Variants in POU2F2 observed in about 807,000 individuals in gnomAD.
POU2F2 encodes the protein POU class 2 homeobox 2.
A neutral mutation model predicts 63.5 loss-of-function variants in POU2F2; 14 were observed. The observed-to-expected ratio is 0.22, with a 90% CI of 0.15 to 0.34. POU2F2 has a LOEUF of 0.34. Ranked by LOEUF, POU2F2 falls within the 10% of genes least tolerant of loss-of-function variation. The pLI, the probability that POU2F2 is intolerant of heterozygous loss-of-function variation, is 1.00. For missense variants in POU2F2, 607 were observed against 815.2 expected (o/e 0.74, Z 3.11); for synonymous variants, 306 against 348.6 (o/e 0.88, Z 1.36).
intron 2 of POU2F2, among the ~76,000 whole-genome samples, chr19:42,144,840 A>T (rs1415979748): frequency 6.6e-6 from 1 of 152,230 alleles, no homozygotes; most frequent in Non-Finnish European, 1.5e-5. Context: ...TCCAGAGCCC[A>T]GCTCTCCTTG....
intron 2 of POU2F2, among the ~76,000 whole-genome samples, chr19:42,158,996 G>A (rs2034506610): frequency 6.6e-6 from 1 of 152,208 alleles, no homozygotes; most frequent in Non-Finnish European, 1.5e-5. Flanking sequence ...GTCCATGAAT[G>A]AGCTTCAGGG....
intron 1 of POU2F2, among the ~76,000 whole-genome samples, chr19:42,172,950 G>A (rs180957260): frequency 1.8e-4 from 27 of 152,292 alleles, no homozygotes; most frequent in Admixed American, 9.8e-4. Context: ...GACAAGGCTC[G>A]GTATGAGGAG....
intron 5 of POU2F2, among the ~76,000 whole-genome samples, chr19:42,113,452 G>T (rs1568374726): frequency 1.3e-5 from 2 of 152,228 alleles, no homozygotes; most frequent in Admixed American, 1.3e-4. Flanking sequence ...CTAGGAGATT[G>T]CAGGGAAGGA....
intron 5 of POU2F2, among the ~76,000 whole-genome samples, chr19:42,102,036 C>T (rs541822886): frequency 6.6e-6 from 1 of 152,134 alleles, no homozygotes; most frequent in Admixed American, 6.5e-5. Context: ...CAACTCCACT[C>T]CTGCATGTAA....
At chr19:42,161,934 C>T (rs1433848682) in intron 1 of POU2F2, among the ~76,000 whole-genome samples, 1 of 152,214 alleles carries the variant, frequency 6.6e-6, no homozygotes, top group African/African-American at 2.4e-5. Context: ...ATTTAAAAAT[C>T]GATGCAGCGC....
intron 1 of POU2F2, among the ~76,000 whole-genome samples, chr19:42,128,994 G>T (rs2033456208): frequency 6.6e-6 from 1 of 151,970 alleles, no homozygotes. Flanking sequence ...CACCATGCCC[G>T]GCTAATTTTT....
At chr19:42,125,390 G>A (rs1347751044) in intron 1 of POU2F2, among the ~76,000 whole-genome samples, 1 of 149,820 alleles carries the variant, frequency 6.7e-6, no homozygotes, top group Non-Finnish European at 1.5e-5. Context: ...GTAGACTGTT[G>A]AGGGTGGGGG....
In POU2F2 at chr19:42,086,232, T is replaced by C. The variant is rs1366858340; in HGVS notation, c.*5025A>G. On this transcript the variant is annotated 3_prime_UTR_variant, in exon 15 of 15. Coordinates refer to ENST00000692977, the MANE Select transcript of POU2F2 (RefSeq NM_001394376.1). Reference sequence around the variant, plus strand: ...GCACATTGTACAATGAACAAGCAGATTGGAGTTAAGAACACTGAAACACTA... The same window carrying C: ...GCACATTGTACAATGAACAAGCAGACTGGAGTTAAGAACACTGAAACACTA... The C allele has an allele frequency of 6.6e-6, 1 of 151,922 alleles. No individual in the cohort carries two copies. The highest frequency in any genetic ancestry group is 2.4e-5 in the African/African-American group (1 of 41,330). 9.4% of individuals were successfully genotyped at this position (151,922 alleles called of 1,614,324 possible). A position where few individuals can be genotyped will look rare whatever the true frequency, so the allele number is the denominator to read the frequency against.
intron 1 of POU2F2, among the ~76,000 whole-genome samples, chr19:42,161,980 G>A (rs893467833): frequency 6.6e-5 from 10 of 152,216 alleles, no homozygotes; most frequent in African/African-American, 2.4e-4. Flanking sequence ...TCGCCTTGCC[G>A]ATTCCCAGTC....
At chr19:42,171,924 T>C (rs1470515110) in intron 1 of POU2F2, among the ~76,000 whole-genome samples, 1 of 152,134 alleles carries the variant, frequency 6.6e-6, no homozygotes, top group African/African-American at 2.4e-5. Context: ...TTGTCCAAAG[T>C]ACGTTGTCAC....
At chr19:42,179,169 G>A (rs754401172), upstream of POU2F2, among the ~76,000 whole-genome samples, 6 of 152,060 alleles carry the variant, frequency 3.9e-5, no homozygotes, top group African/African-American at 4.8e-5. Flanking sequence ...AAGTAGGAAG[G>A]TGACAAGAGG....
chr19:42,193,101 C>T lies in POU2F2; in HGVS notation c.-70+3282G>A, dbSNP rs570108760. 2.0e-5 allele frequency among the ~76,000 whole-genome samples: 3 copies of T among 150,428 alleles called. No homozygotes were observed. In the South Asian group the frequency reaches 6.3e-4, roughly 32 times the overall value. ...AATAGCCGGGCGTGGTGGTGGGCGA[C>T]TGTAGTCCCAGCTACTAGGGAGGCT... is the stretch of plus-strand genomic sequence containing the variant. On this transcript the variant is annotated intron_variant, in intron 1 of 5. Transcript: ENST00000532176.
rs756514613 is a variant in POU2F2 at position 42,088,700 on chromosome 19, T to TA, written c.*2556_*2557insT. ...CCTTGGGCTGGGGCCCAAGCCCTCT[T>TA]GCCAGTCCCTTCTCTCTTCAGGAAA... On this transcript the variant is annotated 3_prime_UTR_variant, in exon 15 of 15. Coordinates refer to ENST00000692977, the MANE Select transcript of POU2F2 (RefSeq NM_001394376.1). 4.0e-4 allele frequency: 61 copies of TA among 152,716 alleles called. No individual in the cohort carries two copies. Among genetic ancestry groups the TA allele is most frequent in the Non-Finnish European group, 2.2e-4 (15 of 68,048 alleles). 9.5% of individuals were successfully genotyped at this position (152,716 alleles called of 1,614,324 possible).
chr19:42,197,350 T>C (rs2035162749), upstream of POU2F2, among the ~76,000 whole-genome samples: 1 of 152,202 alleles, frequency 6.6e-6, no homozygotes, highest in African/African-American at 2.4e-5. Flanking sequence ...GGAACTCAGC[T>C]TCCTCCCAGA....
At chr19:42,101,698 C>G (rs2077147908) in intron 5 of POU2F2, among the ~76,000 whole-genome samples, 1 of 152,206 alleles carries the variant, frequency 6.6e-6, no homozygotes, top group Non-Finnish European at 1.5e-5. Flanking sequence ...AGAAAACTGG[C>G]TGGGCTTGGT....
Position 42,095,817 on chromosome 19 carries a change from G to C in POU2F2, c.842C>G (p.Pro281Arg), listed in dbSNP as rs1360143594. ...ATCGTTGAGCCACTTCTCCAGGAGG[G>C]GCTTGAGTTTGCACATGTTCTTGAA... is the stretch of plus-strand genomic sequence containing the variant. ...LSFKNMCKLK[P>R]LLEKWLNDAE... Residue 281 changes from proline (P) to arginine (R), a missense_variant, in exon 9 of 15, where the codon CCC (proline) becomes CGC (arginine). By Grantham distance (103) the Pro-to-Arg change is moderately radical (BLOSUM62 -2). This residue lies in a region of POU2F2 where 39 missense variants were observed against 36.3 expected (regional missense o/e 1.07). Transcript: ENST00000692977. The surrounding 1 kb of genome is among the most constrained non-coding windows in gnomAD (Gnocchi z 7.1). 6.2e-7 allele frequency: 1 copy of C among 1,614,066 alleles called. No homozygotes were observed. Among genetic ancestry groups the C allele is most frequent in the Non-Finnish European group, 8.5e-7 (1 of 1,179,936 alleles).
Position 42,093,875 on chromosome 19 carries a change from C to T in POU2F2, c.1218G>A (p.Ala406=). The T allele has an allele frequency of 5.0e-6, 8 of 1,611,970 alleles. No homozygotes were observed. The highest frequency in any genetic ancestry group is 2.2e-5 in the East Asian group (1 of 44,816). The part of the protein sequence containing the change: ...SPHMVTPQGG[A]GTLPLSQASS... ...AAGCTTGGGACAACGGTAAGGTCCC[C>T]GCGCCCCCTTGGGGTGTGACCTGAG... The change falls in exon 12 of 15, where the codon GCG becomes GCA. Residue 406 remains alanine (A), a synonymous_variant. Coordinates refer to ENST00000692977, the MANE Select transcript of POU2F2 (RefSeq NM_001394376.1).
At chr19:42,118,655 G>T (rs538281144) in intron 4 of POU2F2, among the ~76,000 whole-genome samples, 3 of 152,332 alleles carry the variant, frequency 2.0e-5, no homozygotes, top group African/African-American at 7.2e-5. Context: ...AGCCACCCTG[G>T]CCTCCTCCAT....
intron 7 of POU2F2, among the ~76,000 whole-genome samples, chr19:42,098,377 C>G (rs1488540450): frequency 6.8e-6 from 1 of 146,722 alleles, no homozygotes; most frequent in Non-Finnish European, 1.5e-5. Flanking sequence ...TGAGCCAATG[C>G]ACTCCAGCCT....
Sources: gnomAD v4.1 joint callset for allele counts (sites outside exome capture counted in the v4.1 genomes callset) on GRCh38, gnomAD v4.1.1 for gene constraint, gnomAD v4.1.1 regional missense constraint, Gnocchi (gnomAD v3.1) non-coding constraint, MANE v1.5 for transcripts, NCBI Gene and HGNC (gene_info 2026-07-23, HGNC 2026-07-21) for gene names.